The following EPS8 variants were observed in gnomAD, a reference collection of about 807,000 sequenced individuals.
EPS8 encodes the protein epidermal growth factor receptor kinase substrate 8.
EPS8 carries 42 observed loss-of-function variants against 103.8 expected under a neutral mutation model. The observed-to-expected ratio is 0.40, with a 90% CI of 0.32 to 0.52. The LOEUF (loss-of-function observed/expected upper bound fraction) is 0.52. EPS8 is among the 20% of genes least tolerant of loss of function. The probability of loss-of-function intolerance (pLI) is 0.40; values close to 1 mark genes in which losing one functional copy is unlikely to be tolerated. For synonymous variants in EPS8, 344 were observed against 344.6 expected, an observed-to-expected ratio of 1.00 and a Z score of 0.02; for missense variants, 969 against 1,005.1, an observed-to-expected ratio of 0.96 and a Z score of 0.49.
At chr12:15,681,507 C>A (rs1055188431) in intron 2 of EPS8, among the ~76,000 whole-genome samples, 9 of 151,590 alleles carry the variant, frequency 5.9e-5, no homozygotes, top group African/African-American at 2.2e-4. Context: ...GAGGTGGGCA[C>A]ATCACCTGAG....
intron 10 of EPS8, 31 bp downstream of exon 10, chr12:15,660,583 G>T: frequency 1.9e-6 from 2 of 1,042,838 alleles, no homozygotes; most frequent in Non-Finnish European, 3.0e-6. Flanking sequence ...GATCTAACCA[G>T]GCATTAGAAG....
intron 19 of EPS8, 132 bp from the exon 20 acceptor site, chr12:15,623,419 C>T (rs2135709583): frequency 1.4e-6 from 1 of 710,664 alleles, no homozygotes; most frequent in East Asian, 2.7e-5. Flanking sequence ...TATTAAATGC[C>T]ACTACAGTCT....
chr12:15,760,508 T>C lies in EPS8; in HGVS notation c.-22+28653A>G, dbSNP rs140515716. ...CCAAAGACATACCAAAAAGGGAAAC[T>C]ATGAGCCATATCTCCAATAAATATT... is the stretch of plus-strand genomic sequence containing the variant. On this transcript the variant is annotated intron_variant, in intron 1 of 20. Transcript: ENST00000281172. This position sits in a 1 kb window ranked among gnomAD's most constrained non-coding sequence, Gnocchi z 4.5. Among the ~76,000 whole-genome samples the C allele has an allele frequency of 2.0e-5, 3 of 152,058 alleles. No homozygotes were observed. Among genetic ancestry groups the C allele is most frequent in the African/African-American group, 7.2e-5 (3 of 41,544 alleles).
chr12:15,718,483 A>G (rs960622948), intron 1 of EPS8, among the ~76,000 whole-genome samples: 8 of 152,194 alleles, frequency 5.3e-5, no homozygotes, highest in Non-Finnish European at 8.8e-5. Flanking sequence ...TCCCATTTAA[A>G]TACAGACTCT....
At chr12:15,641,053 C>T (rs970652710) in intron 16 of EPS8, among the ~76,000 whole-genome samples, 1 of 151,938 alleles carries the variant, frequency 6.6e-6, no homozygotes, top group Non-Finnish European at 1.5e-5. Context: ...GTGAATCTAC[C>T]CAAGGTCCAT....
Position 15,752,646 on chromosome 12 carries a change from A to G in EPS8, c.-22+36515T>C, listed in dbSNP as rs80260440. On this transcript the variant is annotated intron_variant, in intron 1 of 20. Coordinates refer to ENST00000281172, the MANE Select transcript of EPS8 (RefSeq NM_004447.6). This position sits in a 1 kb window ranked among gnomAD's most constrained non-coding sequence, Gnocchi z 4.4. The stretch of plus-strand genomic sequence containing the variant: ...AAAGTCTTTATAATTGTAATAACCA[A>G]TGGGTATGATTTCCCTTCTCCTGCT... Among the ~76,000 whole-genome samples, 2,036 of 152,094 alleles carry G rather than the reference A, an allele frequency of 0.013. 39 individuals are homozygous for G. Among genetic ancestry groups the G allele is most frequent in the African/African-American group, 0.042 (1,759 of 41,454 alleles).
At chr12:15,623,578 T>C (rs192337537) in intron 19 of EPS8, among the ~76,000 whole-genome samples, 228 of 152,336 alleles carry the variant, frequency 1.5e-3, no homozygotes, top group African/African-American at 5.2e-3. Flanking sequence ...ATAGAAGGAA[T>C]AGATAACTTT....
intron 3 of EPS8, among the ~76,000 whole-genome samples, chr12:15,673,148 A>G (rs188604679): frequency 2.0e-5 from 3 of 152,322 alleles, no homozygotes; most frequent in East Asian, 1.9e-4. Context: ...TATGACATTA[A>G]CCGATCACTC....
At chr12:15,636,331 T>A (rs931897153) in intron 17 of EPS8, among the ~76,000 whole-genome samples, 6 of 152,216 alleles carry the variant, frequency 3.9e-5, no homozygotes, top group Non-Finnish European at 8.8e-5. Flanking sequence ...GTTTATTCAA[T>A]CTTTTGTGTC....
At chr12:15,669,318 A>G (rs749407674) in intron 6 of EPS8, 69 bp downstream of exon 6, 47 of 1,417,702 alleles carry the variant, frequency 3.3e-5, no homozygotes, top group Non-Finnish European at 4.5e-5. Flanking sequence ...TATATTATCA[A>G]AATAGGTAAT....
intron 1 of EPS8, among the ~76,000 whole-genome samples, chr12:15,694,985 C>T (rs931158177): frequency 6.6e-6 from 1 of 152,074 alleles, no homozygotes; most frequent in Non-Finnish European, 1.5e-5. Context: ...AAATAATGCT[C>T]ATTAAGTATT....
intron 17 of EPS8, among the ~76,000 whole-genome samples, chr12:15,633,611 G>A (rs1158642129): frequency 2.0e-5 from 3 of 152,138 alleles, no homozygotes; most frequent in African/African-American, 4.8e-5. Context: ...GTTACATAAT[G>A]CAACTTTATC....
Position 15,734,825 on chromosome 12 carries a change from T to C in EPS8, c.-21-51853A>G, listed in dbSNP as rs944580952. Among the ~76,000 whole-genome samples the C allele has an allele frequency of 2.0e-5, 3 of 152,260 alleles. No individual in the cohort carries two copies. Among genetic ancestry groups the C allele is most frequent in the African/African-American group, 7.2e-5 (3 of 41,472 alleles). ...ACGATATTAATACTTCTACCTTACA[T>C]TGTTCATAATAAAATACTTTCATAT... On this transcript the variant is annotated intron_variant, in intron 1 of 20. Transcript: ENST00000281172. This position sits in a 1 kb window ranked among gnomAD's most constrained non-coding sequence, Gnocchi z 4.1.
chr12:15,712,546 G>A (rs1458878501), intron 1 of EPS8, among the ~76,000 whole-genome samples: 1 of 152,104 alleles, frequency 6.6e-6, no homozygotes, highest in Non-Finnish European at 1.5e-5. Flanking sequence ...CCTCTTCTTA[G>A]CTATAATATG....
In EPS8 at chr12:15,764,105, A is replaced by G. The variant is rs1233090482; in HGVS notation, c.-22+25056T>C. 3.3e-5 allele frequency among the ~76,000 whole-genome samples: 5 copies of G among 152,212 alleles called. No individual in the cohort carries two copies. The highest frequency in any genetic ancestry group is 9.6e-5 in the African/African-American group (4 of 41,452). Reference sequence around the variant, plus strand: ...ACATGGCTAGGGAGGCCTCATAATCATGTCCAAAGGTGAAGGAGGAGCAAA... The same window carrying G: ...ACATGGCTAGGGAGGCCTCATAATCGTGTCCAAAGGTGAAGGAGGAGCAAA... On this transcript the variant is annotated intron_variant, in intron 1 of 20. Coordinates refer to ENST00000281172, the MANE Select transcript of EPS8 (RefSeq NM_004447.6). The surrounding 1 kb of genome is among the most constrained non-coding windows in gnomAD (Gnocchi z 4.1).
At position 15,659,130 on chromosome 12, in the gene EPS8, C is replaced by A. The variant is rs112344235; in HGVS notation, c.938-545G>T. On this transcript the variant is annotated intron_variant, in intron 10 of 20. Coordinates refer to ENST00000281172, the MANE Select transcript of EPS8 (RefSeq NM_004447.6). ...AAGGGGGAATTGCATGTATACGAAA[C>A]AACAAACAAAAGGAGAGAAACATGA... is the stretch of plus-strand genomic sequence containing the variant. Among the ~76,000 whole-genome samples the A allele has an allele frequency of 7.5e-4, 114 of 152,062 alleles. 2 individuals are homozygous for A. The highest frequency in any genetic ancestry group is 2.7e-3 in the African/African-American group (110 of 41,482).
chr12:15,668,992 G>A (rs1945764789), intron 6 of EPS8, among the ~76,000 whole-genome samples: 3 of 152,176 alleles, frequency 2.0e-5, no homozygotes, highest in Admixed American at 2.0e-4. Flanking sequence ...CCTGGCTCAA[G>A]AGATCTTCCT....
intron 1 of EPS8, among the ~76,000 whole-genome samples, chr12:15,741,502 A>AC (rs1946822425): frequency 6.6e-6 from 1 of 151,500 alleles, no homozygotes; most frequent in African/African-American, 2.4e-5. Flanking sequence ...CCTAGCTGGA[A>AC]CCCCCACATT....
At chr12:15,756,781 T>G (rs755676223) in intron 1 of EPS8, among the ~76,000 whole-genome samples, 1 of 152,202 alleles carries the variant, frequency 6.6e-6, no homozygotes. Flanking sequence ...CACATATATT[T>G]CTATCTTCAG....
Sources: allele counts gnomAD v4.1 joint callset (sites outside exome capture counted in the v4.1 genomes callset), GRCh38; gene constraint gnomAD v4.1.1; non-coding constraint Gnocchi (gnomAD v3.1); transcripts MANE v1.5; gene names NCBI Gene and HGNC (gene_info 2026-07-23, HGNC 2026-07-21).